The following CHN2 variants were observed in gnomAD, a reference collection of about 807,000 sequenced individuals.
CHN2 encodes the protein beta-chimaerin.
Under a neutral mutation model 56.3 loss-of-function variants are expected in CHN2, and 35 were observed. The observed-to-expected ratio is 0.62, with a 90% confidence interval of 0.47 to 0.82. The LOEUF is 0.82. Ranked by LOEUF, CHN2 falls within the 40% of genes least tolerant of loss-of-function variation. CHN2 has a pLI of 0.00. For synonymous variants in CHN2, 210 were observed against 212.8 expected, an observed-to-expected ratio of 0.99 and a Z score of 0.12; for missense variants, 491 against 580.5, an observed-to-expected ratio of 0.85 and a Z score of 1.58.
At chr7:29,259,518 T>C (rs770187348) in intron 1 of CHN2, among the ~76,000 whole-genome samples, 1 of 152,182 alleles carries the variant, frequency 6.6e-6, no homozygotes, top group African/African-American at 2.4e-5. Flanking sequence ...ATATTCATTA[T>C]ATATTCACTA....
At chr7:29,298,527 T>G (rs1359103743) in intron 1 of CHN2, among the ~76,000 whole-genome samples, 1 of 152,180 alleles carries the variant, frequency 6.6e-6, no homozygotes, top group East Asian at 1.9e-4. Context: ...CAGTAATGCT[T>G]GCTGAGATTT....
chr7:29,458,681 A>G (rs1334752604), intron 6 of CHN2, among the ~76,000 whole-genome samples: 2 of 152,236 alleles, frequency 1.3e-5, no homozygotes, highest in Admixed American at 1.3e-4. Flanking sequence ...GCAGCAGTCA[A>G]GACACCAAGT....
intron 2 of CHN2, among the ~76,000 whole-genome samples, chr7:29,162,560 C>G (rs898466049): frequency 7.9e-5 from 12 of 151,056 alleles, no homozygotes; most frequent in Middle Eastern, 3.4e-3. Context: ...ACTTGGGAGG[C>G]TGAGGCAGGA....
At position 29,352,949 on chromosome 7, in the gene CHN2, G is replaced by A. The variant is rs1036110673; in HGVS notation, c.50-1676G>A. Among the ~76,000 whole-genome samples, 5 of 152,186 alleles carry A rather than the reference G, an allele frequency of 3.3e-5. No individual in the cohort carries two copies. The East Asian group carries it at 7.7e-4, about 23-fold the overall frequency. On this transcript the variant is annotated intron_variant, in intron 1 of 12. Transcript: ENST00000222792. ...AAATTAATTGGTTGTTTGGGTTAAA[G>A]CCTTGCTATTATAAGACACTGTTCT...
chr7:29,181,258 G>A (rs1798022295), intron 2 of CHN2: 1 of 152,152 alleles, frequency 6.6e-6, no homozygotes, highest in African/African-American at 2.4e-5. Context: ...CAAGGCTTCA[G>A]CTATTGCTCT....
At chr7:29,319,146 G>A (rs1430447844) in intron 1 of CHN2, among the ~76,000 whole-genome samples, 2 of 152,176 alleles carry the variant, frequency 1.3e-5, no homozygotes, top group South Asian at 2.1e-4. Context: ...TGTGAAATTT[G>A]CACATTTAAA....
intron 1 of CHN2, among the ~76,000 whole-genome samples, chr7:29,254,573 AT>A (rs1191352437): frequency 3.9e-5 from 6 of 152,198 alleles, no homozygotes; most frequent in African/African-American, 1.4e-4. Context: ...AAAATGACTT[AT>A]GACAGGGTTT....
intron 1 of CHN2, among the ~76,000 whole-genome samples, chr7:29,317,124 T>C (rs551405929): frequency 6.6e-6 from 1 of 152,154 alleles, no homozygotes. Context: ...ACACAGATAA[T>C]GAGCACAGTT....
At chr7:29,183,786 T>C (rs1351099051) in intron 2 of CHN2, among the ~76,000 whole-genome samples, 1 of 152,096 alleles carries the variant, frequency 6.6e-6, no homozygotes, top group East Asian at 1.9e-4. Flanking sequence ...AGATTAGATA[T>C]AGATTAATAG....
intron 3 of CHN2, among the ~76,000 whole-genome samples, chr7:29,375,190 C>CT (rs70980534): frequency 0.014 from 1,086 of 77,848 alleles, 127 homozygotes; most frequent in Non-Finnish European, 0.017. Flanking sequence ...GTGCTCGGCC[C>CT]TTTTTTTTTT....
chr7:29,276,056 TA>T (rs3842626), intron 1 of CHN2, among the ~76,000 whole-genome samples: 46,461 of 148,086 alleles, frequency 0.31, 7,961 homozygotes, highest in East Asian at 0.42. Flanking sequence ...ATCTAAAACT[TA>T]AAAAAAAAAA....
chr7:29,388,125 T>G (rs1007043877), intron 3 of CHN2, among the ~76,000 whole-genome samples: 5 of 152,208 alleles, frequency 3.3e-5, no homozygotes, highest in Admixed American at 3.3e-4. Context: ...GAATATAGAC[T>G]CTTGCTGTTT....
At chr7:29,433,282 T>C (rs1782979522) in intron 6 of CHN2, among the ~76,000 whole-genome samples, 1 of 152,190 alleles carries the variant, frequency 6.6e-6, no homozygotes, top group Non-Finnish European at 1.5e-5. Flanking sequence ...AAAGGACCTT[T>C]GGGGTCAAGG....
At chr7:29,249,531 G>T (rs1788325608) in intron 1 of CHN2, among the ~76,000 whole-genome samples, 1 of 152,198 alleles carries the variant, frequency 6.6e-6, no homozygotes. Context: ...CCAAAATAAT[G>T]CTTTACTAGG....
intron 10 of CHN2, among the ~76,000 whole-genome samples, chr7:29,505,181 A>T (rs1790434694): frequency 6.6e-6 from 1 of 152,156 alleles, no homozygotes; most frequent in African/African-American, 2.4e-5. Flanking sequence ...GACATGTAGG[A>T]GGGAACTGCT....
chr7:29,509,882 A>AG (rs1437163317), intron 12 of CHN2, among the ~76,000 whole-genome samples: 1 of 151,038 alleles, frequency 6.6e-6, no homozygotes, highest in African/African-American at 2.4e-5. Flanking sequence ...GGGTGCCATT[A>AG]GGGGCCTTGT....
In CHN2 at chr7:29,501,055, C is replaced by T. The variant is rs192560656; in HGVS notation, c.913+1015C>T. ...TATCATATTCTGTTATACTGGCTATCCATTATTGTGTCCTAATTGGCTTAA... is the reference window on the plus strand; with the variant it reads ...TATCATATTCTGTTATACTGGCTATTCATTATTGTGTCCTAATTGGCTTAA... On this transcript the variant is annotated intron_variant, in intron 9 of 12. Transcript: ENST00000222792. 2.0e-4 allele frequency among the ~76,000 whole-genome samples: 31 copies of T among 152,258 alleles called. No individual in the cohort carries two copies. In the East Asian group the frequency reaches 6.0e-3, roughly 29 times the overall value.
Position 29,390,028 on chromosome 7 carries a change from T to G in CHN2, c.145-3651T>G, listed in dbSNP as rs111584484. Reference sequence around the variant, plus strand: ...GAGATTGCCCCACTGCACTCCAGCCTGGGCAACAGAGCGAGACACTGTCTC... The same window carrying G: ...GAGATTGCCCCACTGCACTCCAGCCGGGGCAACAGAGCGAGACACTGTCTC... On this transcript the variant is annotated intron_variant, in intron 3 of 12. Transcript: ENST00000222792. 3.8e-5 allele frequency among the ~76,000 whole-genome samples: 5 copies of G among 132,186 alleles called. 1 individual carries two copies. Among genetic ancestry groups the G allele is most frequent in the African/African-American group, 1.4e-4 (5 of 35,102 alleles). 86.7% of individuals were successfully genotyped at this position (132,186 alleles called of 152,430 possible).
At chr7:29,180,045 A>G (rs1797864512) in intron 2 of CHN2, among the ~76,000 whole-genome samples, 1 of 152,226 alleles carries the variant, frequency 6.6e-6, no homozygotes, top group East Asian at 1.9e-4. Flanking sequence ...TCCTTTCATC[A>G]ATGATGTAGG....
Sources: allele counts gnomAD v4.1 joint callset (sites outside exome capture counted in the v4.1 genomes callset), GRCh38; gene constraint gnomAD v4.1.1; transcripts MANE v1.5; gene names NCBI Gene and HGNC (gene_info 2026-07-23, HGNC 2026-07-21).